MALRD1: variants seen among roughly 807,000 people sequenced by gnomAD.
The protein encoded by MALRD1 is MAM and LDL-receptor class A domain-containing protein 1.
In MALRD1, 247 loss-of-function variants were observed where a neutral mutation model predicts 242.1. That is an observed-to-expected ratio of 1.02 (90% CI 0.92 to 1.13). The LOEUF (loss-of-function observed/expected upper bound fraction) is 1.13. Among genes scored for constraint, MALRD1 ranks in the 50% most tolerant of loss-of-function variants. MALRD1 has a pLI of 0.00. For synonymous variants in MALRD1, 995 were observed against 866.6 expected (o/e 1.15, Z -2.60); for missense variants, 2,989 against 2,533.1 (o/e 1.18, Z -3.86).
At chr10:19,620,078 CA>C (rs1839335931) in intron 36 of MALRD1, among the ~76,000 whole-genome samples, 1 of 151,530 alleles carries the variant, frequency 6.6e-6, no homozygotes, top group Non-Finnish European at 1.5e-5. Flanking sequence ...ATAATATAAT[CA>C]AAGACCTTAA....
chr10:19,146,339 A>G lies in MALRD1; in HGVS notation c.1553A>G (p.Asn518Ser), dbSNP rs1223596122. Residue 518 changes from asparagine to serine, a missense_variant, in exon 11 of 40, where the codon AAT becomes AGT. Transcript: ENST00000454679. The part of the protein sequence containing the change: ...FPAADHTANI[N>S]HGSFIYLEAQ... ...GCAGCTGATCACACAGCAAACATAA[A>G]TCATGGTAGGACATTTTCCTCTTTA... is the stretch of plus-strand genomic sequence containing the variant. The G allele has an allele frequency of 5.7e-6, 7 of 1,231,196 alleles. No homozygotes were observed. Among genetic ancestry groups the G allele is most frequent in the Non-Finnish European group, 7.1e-6 (7 of 987,746 alleles). The allele number at this position is 1,231,196 out of a possible 1,614,324, so 76.3% of individuals were successfully genotyped here. A position where few individuals can be genotyped will look rare whatever the true frequency, so the allele number is the denominator to read the frequency against.
At chr10:19,071,863 T>C (rs1009648079) in intron 2 of MALRD1, among the ~76,000 whole-genome samples, 5 of 152,148 alleles carry the variant, frequency 3.3e-5, no homozygotes, top group Non-Finnish European at 7.4e-5. Flanking sequence ...TTTAAATCAG[T>C]GAAAATTTAA....
intron 18 of MALRD1, among the ~76,000 whole-genome samples, chr10:19,254,745 G>A (rs979607712): frequency 6.6e-6 from 1 of 151,564 alleles, no homozygotes; most frequent in South Asian, 2.1e-4. Flanking sequence ...ATACATTATA[G>A]TTATAAAACA....
chr10:19,636,930 T>A (rs1287650885), intron 36 of MALRD1, among the ~76,000 whole-genome samples: 3 of 151,664 alleles, frequency 2.0e-5, no homozygotes, highest in South Asian at 4.2e-4. Context: ...GTAGATTTTT[T>A]TAAAAAATAT....
chr10:19,586,030 C>T (rs1214121296), intron 33 of MALRD1, among the ~76,000 whole-genome samples: 5 of 152,198 alleles, frequency 3.3e-5, no homozygotes, highest in Non-Finnish European at 7.3e-5. Flanking sequence ...GCTCCTGAGG[C>T]TTCTGCATTC....
chr10:19,193,251 C>T (rs1158061967), intron 14 of MALRD1, among the ~76,000 whole-genome samples: 1 of 152,086 alleles, frequency 6.6e-6, no homozygotes, highest in African/African-American at 2.4e-5. Flanking sequence ...CATACATAGT[C>T]ATGAAATAAG....
At chr10:19,052,599 G>A (rs112173943) in intron 1 of MALRD1, among the ~76,000 whole-genome samples, 7,958 of 152,124 alleles carry the variant, frequency 0.052, 306 homozygotes, top group East Asian at 0.15. Context: ...CCCACCTTCC[G>A]TGCAACAACA....
chr10:19,341,510 A>AAAATACG (rs1843867756), intron 24 of MALRD1, among the ~76,000 whole-genome samples: 1 of 142,698 alleles, frequency 7.0e-6, no homozygotes, highest in Non-Finnish European at 1.5e-5. Flanking sequence ...ATGTATATAT[A>AAAATACG]TGTGTGTATA....
chr10:19,391,504 C>T (rs1846335177), intron 28 of MALRD1, among the ~76,000 whole-genome samples: 1 of 152,184 alleles, frequency 6.6e-6, no homozygotes, highest in African/African-American at 2.4e-5. Flanking sequence ...AGGATTCTGC[C>T]TCCAAATTCT....
At chr10:19,398,851 C>G (rs553649088) in intron 28 of MALRD1, among the ~76,000 whole-genome samples, 1 of 152,286 alleles carries the variant, frequency 6.6e-6, no homozygotes, top group South Asian at 2.1e-4. Context: ...AGATAGCATT[C>G]TATCTGAGAC....
chr10:19,463,553 AGT>A (rs142025703), intron 29 of MALRD1, among the ~76,000 whole-genome samples: 3,122 of 150,056 alleles, frequency 0.021, 50 homozygotes, highest in Middle Eastern at 0.12. Context: ...GTGGCTGAGT[AGT>A]GTGTGTGTGT....
intron 32 of MALRD1, among the ~76,000 whole-genome samples, chr10:19,533,207 C>G (rs776059890): frequency 6.6e-6 from 1 of 152,134 alleles, no homozygotes; most frequent in South Asian, 2.1e-4. Context: ...GTTAAGTGGC[C>G]CTCTGTGTTT....
At chr10:19,317,326 G>A (rs948073155) in intron 21 of MALRD1, among the ~76,000 whole-genome samples, 3 of 151,868 alleles carry the variant, frequency 2.0e-5, no homozygotes, top group African/African-American at 4.8e-5. Flanking sequence ...TCTAAGGAAA[G>A]TAATCCCAAT....
intron 29 of MALRD1, among the ~76,000 whole-genome samples, chr10:19,465,889 A>G (rs905279343): frequency 6.6e-6 from 1 of 152,298 alleles, no homozygotes; most frequent in Admixed American, 6.5e-5. Flanking sequence ...AACCTTTCTT[A>G]TAATCCCACC....
At chr10:19,603,021 T>C (rs1838438495) in intron 34 of MALRD1, among the ~76,000 whole-genome samples, 1 of 152,198 alleles carries the variant, frequency 6.6e-6, no homozygotes, top group Non-Finnish European at 1.5e-5. Context: ...TTCATATCCT[T>C]TGCCCACCTG....
intron 21 of MALRD1, among the ~76,000 whole-genome samples, chr10:19,313,479 C>A (rs990553148): frequency 1.3e-5 from 2 of 150,930 alleles, no homozygotes; most frequent in Non-Finnish European, 3.0e-5. Flanking sequence ...CTTTTTTCCC[C>A]AAAATAGCTA....
At chr10:19,650,700 A>G (rs1317097554) in intron 36 of MALRD1, among the ~76,000 whole-genome samples, 1 of 152,218 alleles carries the variant, frequency 6.6e-6, no homozygotes, top group Non-Finnish European at 1.5e-5. Context: ...TGTAAAGTCA[A>G]TAAAAGTAGA....
intron 28 of MALRD1, among the ~76,000 whole-genome samples, chr10:19,392,067 A>C (rs1215600461): frequency 1.3e-5 from 2 of 152,270 alleles, no homozygotes; most frequent in Non-Finnish European, 2.9e-5. Context: ...GCCATTGAAC[A>C]ATAATTAATT....
At chr10:19,668,156 G>C (rs925935897) in intron 36 of MALRD1, among the ~76,000 whole-genome samples, 3 of 152,158 alleles carry the variant, frequency 2.0e-5, no homozygotes, top group Admixed American at 6.6e-5. Context: ...CAAACGTTCA[G>C]ACCATAGCAC....
Sources: allele counts gnomAD v4.1 joint callset (sites outside exome capture counted in the v4.1 genomes callset), GRCh38; gene constraint gnomAD v4.1.1; transcripts MANE v1.5; gene names NCBI Gene and HGNC (gene_info 2026-07-23, HGNC 2026-07-21).